The following ARL15 variants were observed in gnomAD, a reference collection of about 807,000 sequenced individuals.
ARL15 encodes ARF like GTPase 15.
ARL15 carries 19 observed loss-of-function variants against 25.2 expected under a neutral mutation model. That is an observed-to-expected ratio of 0.75 (90% CI 0.53 to 1.10). The LOEUF is 1.10. Ranked by LOEUF, ARL15 falls within the 50% of genes least tolerant of loss-of-function variation. The probability of loss-of-function intolerance (pLI) is 0.00; values close to 1 mark genes in which losing one functional copy is unlikely to be tolerated. For synonymous variants in ARL15, 94 were observed against 86.8 expected, an observed-to-expected ratio of 1.08 and a Z score of -0.46; for missense variants, 220 against 246.0, an observed-to-expected ratio of 0.89 and a Z score of 0.71.
At chr5:54,177,646 T>C (rs1378713004) in intron 1 of ARL15, among the ~76,000 whole-genome samples, 1 of 152,196 alleles carries the variant, frequency 6.6e-6, no homozygotes, top group African/African-American at 2.4e-5. Flanking sequence ...TAACCCCTCA[T>C]GTCAACATTG....
chr5:54,217,882 C>T (rs980406431), intron 1 of ARL15, among the ~76,000 whole-genome samples: 6 of 152,060 alleles, frequency 3.9e-5, no homozygotes, highest in African/African-American at 9.7e-5. Context: ...TTGTTGTCTA[C>T]CAGTAATGGC....
chr5:54,052,112 T>C (rs1750720602), intron 4 of ARL15, among the ~76,000 whole-genome samples: 1 of 152,158 alleles, frequency 6.6e-6, no homozygotes, highest in Non-Finnish European at 1.5e-5. Context: ...GGTCTGTGGA[T>C]GCCATGGGTT....
chr5:54,026,342 C>A (rs1372757294), intron 4 of ARL15, among the ~76,000 whole-genome samples: 1 of 152,178 alleles, frequency 6.6e-6, no homozygotes, highest in Non-Finnish European at 1.5e-5. Context: ...AATCAGAGCT[C>A]ACTGCAGCCT....
chr5:53,929,266 T>C (rs928368802), intron 4 of ARL15, among the ~76,000 whole-genome samples: 1 of 152,074 alleles, frequency 6.6e-6, no homozygotes, highest in South Asian at 2.1e-4. Context: ...TATTTTTCCC[T>C]CAATGGGAGT....
chr5:54,063,616 TAATTC>T (rs140821166), intron 4 of ARL15, among the ~76,000 whole-genome samples: 11,124 of 152,262 alleles, frequency 0.073, 456 homozygotes, highest in African/African-American at 0.1. Context: ...GACAAACTCC[TAATTC>T]AACACTGTGA....
At chr5:54,177,246 G>A (rs1317922613) in intron 1 of ARL15, among the ~76,000 whole-genome samples, 1 of 152,140 alleles carries the variant, frequency 6.6e-6, no homozygotes, top group Non-Finnish European at 1.5e-5. Flanking sequence ...CTGTATTTGA[G>A]GAAATGGTGT....
chr5:54,033,218 C>A (rs1361203268), intron 4 of ARL15, among the ~76,000 whole-genome samples: 2 of 151,862 alleles, frequency 1.3e-5, no homozygotes, highest in Non-Finnish European at 2.9e-5. Context: ...GAGGCTGAGG[C>A]AGGAGAATGG....
chr5:54,061,941 C>T (rs999107656), intron 4 of ARL15, among the ~76,000 whole-genome samples: 1 of 152,170 alleles, frequency 6.6e-6, no homozygotes, highest in Admixed American at 6.5e-5. Context: ...GGAGGCTGTA[C>T]CCTGCAAAGC....
intron 1 of ARL15, among the ~76,000 whole-genome samples, chr5:54,191,288 G>A (rs1755392631): frequency 6.6e-6 from 1 of 152,096 alleles, no homozygotes; most frequent in African/African-American, 2.4e-5. Context: ...ATGTAGAATG[G>A]TAGTTACCAG....
rs527755025 is a variant in ARL15, at chr5:54,184,439, TAAAAAAAAAAAA to T, written c.49-12523_49-12512del. On this transcript the variant is annotated intron_variant, in intron 1 of 4. Coordinates refer to ENST00000504924, the MANE Select transcript of ARL15 (RefSeq NM_019087.3). ...GCCTAGGCAACAGTAACACTGTCTT[TAAAAAAAAAAAA>T]AAAAAAAAAAAAAAAAAAAGAGAGA... is the stretch of plus-strand genomic sequence containing the variant. Among the ~76,000 whole-genome samples the T allele has an allele frequency of 4.9e-3, 340 of 69,118 alleles. 6 individuals carry two copies. The highest frequency in any genetic ancestry group is 0.015 in the African/African-American group (306 of 20,902). The allele number at this position is 69,118 out of a possible 152,430, so 45.3% of individuals were successfully genotyped here.
intron 1 of ARL15, among the ~76,000 whole-genome samples, chr5:54,215,067 T>G (rs1320545363): frequency 6.6e-6 from 1 of 151,814 alleles, no homozygotes; most frequent in South Asian, 2.1e-4. Context: ...GAGCAGAACA[T>G]CCTTCTTATC....
intron 4 of ARL15, among the ~76,000 whole-genome samples, chr5:54,022,037 A>C (rs1413647587): frequency 6.6e-6 from 1 of 152,226 alleles, no homozygotes; most frequent in African/African-American, 2.4e-5. Flanking sequence ...TCTGATTCTC[A>C]GTGAAAATAT....
At chr5:54,125,049 T>C (rs943866558) in intron 3 of ARL15, among the ~76,000 whole-genome samples, 13 of 152,048 alleles carry the variant, frequency 8.5e-5, no homozygotes, top group African/African-American at 2.9e-4. Flanking sequence ...CTCTATTGCC[T>C]TTCTGGTAAG....
intron 1 of ARL15, among the ~76,000 whole-genome samples, chr5:54,176,689 A>G (rs1277860128): frequency 6.6e-6 from 1 of 152,116 alleles, no homozygotes; most frequent in Admixed American, 6.5e-5. Flanking sequence ...TCATAAACCT[A>G]TCCATGCTTC....
chr5:54,015,194 G>T (rs1290791097), intron 4 of ARL15, among the ~76,000 whole-genome samples: 1 of 151,852 alleles, frequency 6.6e-6, no homozygotes, highest in Non-Finnish European at 1.5e-5. Flanking sequence ...AGGAGGCTGA[G>T]GCAGGAGAGA....
At chr5:53,939,683 C>T (rs1202124979) in intron 4 of ARL15, among the ~76,000 whole-genome samples, 1 of 151,504 alleles carries the variant, frequency 6.6e-6, no homozygotes, top group East Asian at 2.0e-4. Context: ...TGCAGTGAGC[C>T]GAGATCCCGC....
At chr5:54,038,016 C>G (rs1232756811) in intron 4 of ARL15, among the ~76,000 whole-genome samples, 1 of 152,026 alleles carries the variant, frequency 6.6e-6, no homozygotes, top group African/African-American at 2.4e-5. Context: ...TTTTAATTGT[C>G]TAATCAACAC....
chr5:54,132,634 A>C (rs993108182), intron 3 of ARL15, among the ~76,000 whole-genome samples: 2 of 152,066 alleles, frequency 1.3e-5, no homozygotes, highest in Admixed American at 6.6e-5. Context: ...TGGCTACTCC[A>C]TAGATAGGGG....
At position 54,106,704 on chromosome 5, in the gene ARL15, A is replaced by G. The variant is rs369431457; in HGVS notation, c.462+6498T>C. 3.0e-4 allele frequency among the ~76,000 whole-genome samples: 46 copies of G among 152,242 alleles called. No individual in the cohort carries two copies. In the South Asian group the frequency reaches 6.6e-3, roughly 22 times the overall value. On this transcript the variant is annotated intron_variant, in intron 4 of 4. Coordinates refer to ENST00000504924, the MANE Select transcript of ARL15 (RefSeq NM_019087.3). ...TGGTGTTTTTCCCTGAATATTTTCA[A>G]TTGGTTGTTGGTTGAATACATGAAT...
Sources: allele counts gnomAD v4.1 joint callset (sites outside exome capture counted in the v4.1 genomes callset), GRCh38; gene constraint gnomAD v4.1.1; transcripts MANE v1.5; gene names NCBI Gene and HGNC (gene_info 2026-07-23, HGNC 2026-07-21).